Variants in ANKRD6 observed in about 807,000 individuals in gnomAD.
The protein encoded by ANKRD6 is ankyrin repeat domain-containing protein 6.
Under a neutral mutation model 82.3 loss-of-function variants are expected in ANKRD6, and 56 were observed. That is an observed-to-expected ratio of 0.68 (90% CI 0.55 to 0.85). The LOEUF (loss-of-function observed/expected upper bound fraction) is 0.85, where lower values mean the gene tolerates loss of function less well. Ranked by LOEUF, ANKRD6 falls within the 40% of genes least tolerant of loss-of-function variation. ANKRD6 has a pLI of 0.00. For synonymous variants in ANKRD6, 347 were observed against 352.1 expected (o/e 0.99, Z 0.16); for missense variants, 852 against 907.6 (o/e 0.94, Z 0.79).
intron 1 of ANKRD6, among the ~76,000 whole-genome samples, chr6:89,485,700 G>A (rs1777285433): frequency 6.6e-6 from 1 of 152,144 alleles, no homozygotes; most frequent in Non-Finnish European, 1.5e-5. Context: ...AGGCAGAAGG[G>A]GATTTGGTCT....
At chr6:89,551,159 T>C (rs2128031690) in intron 1 of ANKRD6, among the ~76,000 whole-genome samples, 1 of 152,292 alleles carries the variant, frequency 6.6e-6, no homozygotes, top group South Asian at 2.1e-4. Flanking sequence ...GGCAGTCTTC[T>C]TGTTAGGAAG....
At chr6:89,608,302 T>C (rs1212140095) in intron 5 of ANKRD6, among the ~76,000 whole-genome samples, 1 of 150,426 alleles carries the variant, frequency 6.6e-6, no homozygotes, top group East Asian at 1.9e-4. Context: ...AGAATGGGGT[T>C]CTAGGTGGCA....
intron 1 of ANKRD6, among the ~76,000 whole-genome samples, chr6:89,546,866 C>T (rs1785161530): frequency 6.6e-6 from 1 of 152,174 alleles, no homozygotes; most frequent in Admixed American, 6.5e-5. Context: ...TGGCGTTTTC[C>T]AAGATGAGCG....
intron 1 of ANKRD6, among the ~76,000 whole-genome samples, chr6:89,564,692 C>G (rs960908766): frequency 2.8e-4 from 42 of 152,174 alleles, no homozygotes; most frequent in African/African-American, 9.7e-4. Context: ...AAACCTCTAC[C>G]CTCAGGGGCT....
rs201518056 is a variant in ANKRD6, at chr6:89,514,363, GC to G, written c.-143-52470del. 4.2e-3 allele frequency among the ~76,000 whole-genome samples: 640 copies of G among 152,192 alleles called. 9 individuals are homozygous for G. Among genetic ancestry groups the G allele is most frequent in the African/African-American group, 0.015 (611 of 41,518 alleles). ...ACTGCACTCCAGTTTGGGTTACAGA[GC>G]AAGACTCCATCTCAAAAAAAAAAAT... On this transcript the variant is annotated intron_variant, in intron 1 of 15. Transcript: ENST00000339746.
At chr6:89,554,015 G>T (rs1786221884) in intron 1 of ANKRD6, among the ~76,000 whole-genome samples, 1 of 152,174 alleles carries the variant, frequency 6.6e-6, no homozygotes, top group Non-Finnish European at 1.5e-5. Context: ...TAAAGATGGG[G>T]GGGTGTGAGT....
chr6:89,542,452 A>C (rs1453524437), intron 1 of ANKRD6, among the ~76,000 whole-genome samples: 5 of 152,112 alleles, frequency 3.3e-5, no homozygotes, highest in Non-Finnish European at 5.9e-5. Context: ...GCTTATTTAC[A>C]TCTATGGGAT....
chr6:89,582,588 A>G (rs1181163183), intron 2 of ANKRD6, among the ~76,000 whole-genome samples: 1 of 152,024 alleles, frequency 6.6e-6, no homozygotes, highest in African/African-American at 2.4e-5. Context: ...ATCTTTTTTC[A>G]TCTTCCCAAA....
In ANKRD6 at chr6:89,621,912, C is replaced by T. The variant is rs749575576; in HGVS notation, c.793-10C>T. The T allele has an allele frequency of 9.3e-6, 15 of 1,613,374 alleles. No homozygotes were observed. The highest frequency in any genetic ancestry group is 1.3e-5 in the Non-Finnish European group (15 of 1,179,384). On this transcript the variant is annotated splice_polypyrimidine_tract_variant and intron_variant, in intron 9 of 15. Coordinates refer to ENST00000339746, the MANE Select transcript of ANKRD6 (RefSeq NM_001242809.2). ...CCAGTGGTTGTAACAATGCCGTTTG[C>T]CTCCTTCAGGTCTTGCGCTTCAGTC...
rs773851754 is a variant in ANKRD6, at chr6:89,618,035, G to A, written c.792+4G>A. ...TCTCCTTACTAAAGCTCCCCAGGTA[G>A]GATTTACTGCCCTTTCCATGGTACT... On this transcript the variant is annotated splice_donor_region_variant and intron_variant, in intron 9 of 15. Transcript: ENST00000339746. 1 of 1,614,000 alleles carries A rather than the reference G, an allele frequency of 6.2e-7. No individual in the cohort carries two copies. The highest frequency in any genetic ancestry group is 1.1e-5 in the South Asian group (1 of 91,086).
At chr6:89,578,486 G>A (rs955210047) in intron 2 of ANKRD6, among the ~76,000 whole-genome samples, 14 of 151,998 alleles carry the variant, frequency 9.2e-5, no homozygotes, top group African/African-American at 2.4e-4. Flanking sequence ...AGTAGAGATG[G>A]GGTCTTGTCA....
intron 1 of ANKRD6, among the ~76,000 whole-genome samples, chr6:89,565,040 GT>G (rs1013436360): frequency 2.0e-5 from 3 of 152,224 alleles, no homozygotes; most frequent in Admixed American, 1.3e-4. Context: ...GCGCACCTAT[GT>G]TTTTAAAAAC....
At chr6:89,622,902 GAAT>G (rs2128252760) in intron 10 of ANKRD6, among the ~76,000 whole-genome samples, 1 of 151,932 alleles carries the variant, frequency 6.6e-6, no homozygotes, top group African/African-American at 2.4e-5. Context: ...TCCTAGATGT[GAAT>G]TGTACATATT....
chr6:89,598,401 G>A, intron 3 of ANKRD6: 1 of 985,286 alleles, frequency 1.0e-6, no homozygotes, highest in Non-Finnish European at 1.2e-6. Context: ...AGGTTAGGAA[G>A]GACCCTAGAA....
chr6:89,518,059 C>T (rs1301061843), intron 1 of ANKRD6, among the ~76,000 whole-genome samples: 1 of 152,218 alleles, frequency 6.6e-6, no homozygotes, highest in Non-Finnish European at 1.5e-5. Flanking sequence ...GACATGGTTC[C>T]TGTTTTCATG....
At chr6:89,564,003 T>C (rs1787947753) in intron 1 of ANKRD6, among the ~76,000 whole-genome samples, 1 of 152,072 alleles carries the variant, frequency 6.6e-6, no homozygotes, top group Non-Finnish European at 1.5e-5. Flanking sequence ...TTTGATACCT[T>C]CCCACCCACA....
Position 89,608,354 on chromosome 6 carries a change from T to TAC in ANKRD6, c.417+2262_417+2263dup, listed in dbSNP as rs540574068. 3.4e-3 allele frequency among the ~76,000 whole-genome samples: 463 copies of TAC among 137,474 alleles called. 8 individuals are homozygous for TAC. Among genetic ancestry groups the TAC allele is most frequent in the African/African-American group, 0.012 (403 of 34,966 alleles). 90.2% of individuals were successfully genotyped at this position (137,474 alleles called of 152,430 possible). On this transcript the variant is annotated intron_variant, in intron 5 of 15. Coordinates refer to ENST00000339746, the MANE Select transcript of ANKRD6 (RefSeq NM_001242809.2). Reference sequence around the variant, plus strand: ...GGGCAGCAGTAAGTACCCTCCCTAATACACACACACACACTATATATATAT... The same window carrying TAC: ...GGGCAGCAGTAAGTACCCTCCCTAATACACACACACACACACTATATATATAT...
chr6:89,618,209 C>T (rs1192385647), intron 9 of ANKRD6, 178 bp downstream of exon 9: 1 of 739,512 alleles, frequency 1.4e-6, no homozygotes, highest in Non-Finnish European at 2.4e-6. Context: ...GCATCAAGTC[C>T]AGCTCTTCGT....
chr6:89,623,695 G>C (rs1804502266), intron 11 of ANKRD6, among the ~76,000 whole-genome samples, 151 bp downstream of exon 11: 1 of 152,262 alleles, frequency 6.6e-6, no homozygotes, highest in Non-Finnish European at 1.5e-5. Flanking sequence ...GCTAACATCA[G>C]ACATAAGGTG....
Sources: gnomAD v4.1 joint callset for allele counts (sites outside exome capture counted in the v4.1 genomes callset) on GRCh38, gnomAD v4.1.1 for gene constraint, MANE v1.5 for transcripts, NCBI Gene and HGNC (gene_info 2026-07-23, HGNC 2026-07-21) for gene names.